CHODL: variants seen among roughly 807,000 people sequenced by gnomAD.
CHODL encodes chondrolectin.
A neutral mutation model predicts 34.5 loss-of-function variants in CHODL; 29 were observed. That is an observed-to-expected ratio of 0.84 (90% confidence interval 0.63 to 1.15). The LOEUF (loss-of-function observed/expected upper bound fraction) is 1.15, where lower values mean the gene tolerates loss of function less well. Among genes scored for constraint, CHODL ranks in the 50% most tolerant of loss-of-function variants. The pLI, the probability that CHODL is intolerant of heterozygous loss-of-function variation, is 0.00. For missense variants in CHODL, 332 were observed against 332.5 expected, an observed-to-expected ratio of 1.00 and a Z score of 0.01; for synonymous variants, 125 against 116.1, an observed-to-expected ratio of 1.08 and a Z score of -0.49.
At chr21:18,033,680 A>G (rs2064274920) in intron 2 of CHODL, among the ~76,000 whole-genome samples, 1 of 151,978 alleles carries the variant, frequency 6.6e-6, no homozygotes, top group Non-Finnish European at 1.5e-5. Flanking sequence ...AAGTTATGTT[A>G]TGGGTATAGT....
chr21:18,065,795 A>G (rs1459805878), intron 2 of CHODL, among the ~76,000 whole-genome samples: 1 of 152,198 alleles, frequency 6.6e-6, no homozygotes, highest in Non-Finnish European at 1.5e-5. Context: ...TGGCAGGAAA[A>G]GCTCAAATGA....
intron 1 of CHODL, among the ~76,000 whole-genome samples, chr21:17,946,383 G>A (rs955349580): frequency 1.3e-5 from 2 of 152,200 alleles, no homozygotes; most frequent in Non-Finnish European, 2.9e-5. Flanking sequence ...TGGCGCCACT[G>A]CACTCCAGCC....
intron 1 of CHODL, among the ~76,000 whole-genome samples, chr21:17,925,614 T>TA (rs373172827): frequency 3.6e-4 from 55 of 152,394 alleles, no homozygotes; most frequent in African/African-American, 1.3e-3. Flanking sequence ...TTGGGAGATT[T>TA]AAATTATAGG....
At chr21:18,192,602 G>C (rs968441986) in intron 2 of CHODL, among the ~76,000 whole-genome samples, 1 of 151,956 alleles carries the variant, frequency 6.6e-6, no homozygotes, top group Non-Finnish European at 1.5e-5. Flanking sequence ...TTTTAACTTG[G>C]ACATATCATT....
intron 1 of CHODL, among the ~76,000 whole-genome samples, chr21:17,989,580 G>T (rs562802775): frequency 1.3e-5 from 2 of 152,034 alleles, no homozygotes; most frequent in African/African-American, 4.8e-5. Flanking sequence ...TAACCAAAAT[G>T]TAACAAAACA....
intron 1 of CHODL, among the ~76,000 whole-genome samples, chr21:18,021,966 G>A (rs1281213325): frequency 6.6e-6 from 1 of 152,124 alleles, no homozygotes; most frequent in Non-Finnish European, 1.5e-5. Context: ...TGAGGCCTTT[G>A]GGAGGCAATT....
chr21:17,964,216 CAT>C (rs367979590), intron 1 of CHODL, among the ~76,000 whole-genome samples: 83 of 152,240 alleles, frequency 5.5e-4, no homozygotes, highest in African/African-American at 2.0e-3. Flanking sequence ...ATGATCGATA[CAT>C]GTGTTTCATA....
chr21:17,959,757 A>C (rs2063518633), intron 1 of CHODL, among the ~76,000 whole-genome samples: 1 of 152,170 alleles, frequency 6.6e-6, no homozygotes, highest in Non-Finnish European at 1.5e-5. Context: ...TATCATGAAA[A>C]AGAGAAAATT....
At chr21:18,094,669 C>T (rs1022132553) in intron 2 of CHODL, among the ~76,000 whole-genome samples, 1 of 146,288 alleles carries the variant, frequency 6.8e-6, no homozygotes, top group African/African-American at 2.5e-5. Flanking sequence ...ATAATGGAAA[C>T]ACAACATACC....
At chr21:18,001,335 G>A (rs2063903870) in intron 1 of CHODL, among the ~76,000 whole-genome samples, 1 of 152,232 alleles carries the variant, frequency 6.6e-6, no homozygotes, top group African/African-American at 2.4e-5. Flanking sequence ...AAAACAAGTT[G>A]ATAACATGCC....
chr21:18,204,738 A>T (rs2073693820), intron 2 of CHODL, among the ~76,000 whole-genome samples: 2 of 152,202 alleles, frequency 1.3e-5, no homozygotes, highest in Admixed American at 1.3e-4. Context: ...ACCCCTGAGT[A>T]TAACCCTGGA....
At chr21:18,202,022 A>G (rs931463116) in intron 2 of CHODL, among the ~76,000 whole-genome samples, 1 of 151,776 alleles carries the variant, frequency 6.6e-6, no homozygotes, top group Non-Finnish European at 1.5e-5. Flanking sequence ...AGCCAGGATG[A>G]TCTCAATCTC....
intron 1 of CHODL, among the ~76,000 whole-genome samples, chr21:17,935,618 A>G (rs1411139826): frequency 6.6e-6 from 1 of 152,264 alleles, no homozygotes; most frequent in Non-Finnish European, 1.5e-5. Flanking sequence ...CATTCAATAT[A>G]GTTGGATAAA....
chr21:18,208,379 C>A (rs555061645), intron 2 of CHODL, among the ~76,000 whole-genome samples: 164 of 152,130 alleles, frequency 1.1e-3, no homozygotes, highest in Non-Finnish European at 1.3e-3. Flanking sequence ...ATTCTGAATT[C>A]CTTCTCTGTG....
At chr21:18,005,865 A>T (rs562274637) in intron 1 of CHODL, among the ~76,000 whole-genome samples, 1 of 152,248 alleles carries the variant, frequency 6.6e-6, no homozygotes, top group Non-Finnish European at 1.5e-5. Context: ...CAGAATAGCT[A>T]ATGGATGCTG....
At chr21:18,183,789 G>A (rs906182796) in intron 2 of CHODL, among the ~76,000 whole-genome samples, 1 of 141,488 alleles carries the variant, frequency 7.1e-6, no homozygotes, top group Non-Finnish European at 1.5e-5. Flanking sequence ...ACAGAGTAAG[G>A]TTGGAACTCT....
At chr21:18,118,306 G>C (rs1030748021) in intron 2 of CHODL, among the ~76,000 whole-genome samples, 7 of 152,120 alleles carry the variant, frequency 4.6e-5, no homozygotes, top group Non-Finnish European at 1.0e-4. Flanking sequence ...TGACAGGCTA[G>C]CAGTTTGAAT....
At chr21:18,112,355 T>G (rs1053510062) in intron 2 of CHODL, among the ~76,000 whole-genome samples, 5 of 152,130 alleles carry the variant, frequency 3.3e-5, no homozygotes, top group African/African-American at 1.2e-4. Context: ...AATATATATT[T>G]TTTAATGCAA....
chr21:18,092,861 G>A (rs1364277801), intron 2 of CHODL, among the ~76,000 whole-genome samples: 1 of 152,142 alleles, frequency 6.6e-6, no homozygotes, highest in Non-Finnish European at 1.5e-5. Flanking sequence ...AGAGTTCTTG[G>A]CCTTAAGGCC....
Sources: allele counts gnomAD v4.1 joint callset (sites outside exome capture counted in the v4.1 genomes callset), GRCh38; gene constraint gnomAD v4.1.1; transcripts MANE v1.5; gene names NCBI Gene and HGNC (gene_info 2026-07-23, HGNC 2026-07-21).